Variants in ACOX1 observed in about 807,000 individuals in gnomAD.
ACOX1 encodes acyl-CoA oxidase 1.
ACOX1 carries 41 observed loss-of-function variants against 75.5 expected under a neutral mutation model. The ratio of observed to expected loss-of-function variants is 0.54; its 90% CI spans 0.42 to 0.70. The LOEUF is 0.70. Among genes scored for constraint, ACOX1 ranks in the 30% least tolerant of loss-of-function variants. The pLI, the probability that ACOX1 is intolerant of heterozygous loss-of-function variation, is 0.00. For missense variants in ACOX1, 630 were observed against 837.5 expected (o/e 0.75, Z 3.06); for synonymous variants, 303 against 298.8 (o/e 1.01, Z -0.15).
At chr17:75,969,241 A>T (rs2065970866) in intron 2 of ACOX1, among the ~76,000 whole-genome samples, 1 of 152,174 alleles carries the variant, frequency 6.6e-6, no homozygotes, top group African/African-American at 2.4e-5. Context: ...ATCTCAGCTC[A>T]CCACAACTTC....
intron 12 of ACOX1, 139 bp downstream of exon 12, chr17:75,949,078 A>G: frequency 8.4e-6 from 8 of 950,450 alleles, no homozygotes; most frequent in Non-Finnish European, 1.3e-5. Context: ...CTGGTCTTGA[A>G]CTCCTGACCT....
intron 6 of ACOX1, 148 bp downstream of exon 6, chr17:75,955,418 C>T: frequency 1.4e-6 from 1 of 730,704 alleles, no homozygotes; most frequent in South Asian, 1.5e-5. Flanking sequence ...CGCACTCAGC[C>T]TCCCAAAGTG....
rs1200100225 is a variant in ACOX1 at position 75,944,304 on chromosome 17, G to A, written c.*2444C>T. ...GGTTAAAATGTATCTTTGTACTTGT[G>A]AAAATGGCTTACAAAATTTTGAATC... On this transcript the variant is annotated 3_prime_UTR_variant, in exon 14 of 14. Coordinates refer to ENST00000293217, the MANE Select transcript of ACOX1 (RefSeq NM_004035.7). 6.6e-6 allele frequency: 1 copy of A among 152,200 alleles called. No homozygotes were observed. Among genetic ancestry groups the A allele is most frequent in the Non-Finnish European group, 1.5e-5 (1 of 68,040 alleles). The allele number at this position is 152,200 out of a possible 1,614,324, so 9.4% of individuals were successfully genotyped here. A position where few individuals can be genotyped will look rare whatever the true frequency, so the allele number is the denominator to read the frequency against.
chr17:75,950,700 G>A lies in ACOX1; in HGVS notation c.1298+74C>T. ...TATATATACGGTGAAGAAAAACCAT[G>A]GGAACAAGAACCTAGGAAAAGGACT... is the stretch of plus-strand genomic sequence containing the variant. On this transcript the variant is annotated intron_variant, in intron 9 of 13. Coordinates refer to ENST00000293217, the MANE Select transcript of ACOX1 (RefSeq NM_004035.7). The surrounding 1 kb of genome is among the most constrained non-coding windows in gnomAD (Gnocchi z 4.3). The A allele has an allele frequency of 1.3e-6, 2 of 1,507,850 alleles. No individual in the cohort carries two copies. The highest frequency in any genetic ancestry group is 1.8e-6 in the Non-Finnish European group (2 of 1,085,944). 93.4% of individuals were successfully genotyped at this position (1,507,850 alleles called of 1,614,324 possible).
intron 2 of ACOX1, among the ~76,000 whole-genome samples, chr17:75,963,985 A>AC (rs2065908710): frequency 6.6e-6 from 1 of 151,740 alleles, no homozygotes; most frequent in African/African-American, 2.4e-5. Context: ...GGAGTTCGAG[A>AC]CCAGCCTGGG....
Position 75,944,448 on chromosome 17 carries a change from G to A in ACOX1, c.*2300C>T, listed in dbSNP as rs73997671. On this transcript the variant is annotated 3_prime_UTR_variant, in exon 14 of 14. Coordinates refer to ENST00000293217, the MANE Select transcript of ACOX1 (RefSeq NM_004035.7). ...CCAAGTACTTCCAAGGACTCCTAAA[G>A]TGACTGGAGCCACTCACAACTATTG... 230 of 152,238 alleles carry A rather than the reference G, an allele frequency of 1.5e-3. No homozygotes were observed. Among genetic ancestry groups the A allele is most frequent in the African/African-American group, 5.3e-3 (221 of 41,542 alleles). 9.4% of individuals were successfully genotyped at this position (152,238 alleles called of 1,614,324 possible). A position where few individuals can be genotyped will look rare whatever the true frequency, so the allele number is the denominator to read the frequency against.
chr17:75,961,695 G>C (rs1222265053), intron 2 of ACOX1, among the ~76,000 whole-genome samples: 2 of 149,034 alleles, frequency 1.3e-5, no homozygotes, highest in Admixed American at 1.4e-4. Context: ...GGGAGGCGGT[G>C]GTTGCAGTGA....
chr17:75,977,490 C>T (rs568777201), intron 2 of ACOX1, among the ~76,000 whole-genome samples: 1 of 151,736 alleles, frequency 6.6e-6, no homozygotes, highest in Non-Finnish European at 1.5e-5. Flanking sequence ...CGCTTGAATC[C>T]GGGAGGTGGA....
In ACOX1 at chr17:75,949,722, C is replaced by A; in HGVS notation, c.1474G>T (p.Ala492Ser). The A allele has an allele frequency of 6.2e-7, 1 of 1,614,204 alleles. No homozygotes were observed. ...SLTEAYKLRAARLVEIAAKNL... is the reference protein window; with the variant it reads ...SLTEAYKLRASRLVEIAAKNL... Reference sequence around the variant, plus strand: ...AGCTCTTGAGGGAGAGCTCACCTGGCTGCACGGAGTTTATATGCTTCGGTT... The same window carrying A: ...AGCTCTTGAGGGAGAGCTCACCTGGATGCACGGAGTTTATATGCTTCGGTT... Residue 492 changes from alanine (A) to serine (S), a missense_variant, in exon 10 of 14, where the codon GCC (alanine) becomes TCC (serine). Transcript: ENST00000293217.
In ACOX1 at chr17:75,978,458, T is replaced by A. The variant is rs950209889; in HGVS notation, c.269+76A>T. On this transcript the variant is annotated intron_variant, in intron 2 of 13. Coordinates refer to ENST00000293217, the MANE Select transcript of ACOX1 (RefSeq NM_004035.7). This position sits in a 1 kb window ranked among gnomAD's most constrained non-coding sequence, Gnocchi z 4.2. ...TTGCATCTTCAAACACCAAGCACGG[T>A]GATGAAAGGCCACCATAGACCGCAG... The A allele has an allele frequency of 4.5e-6, 7 of 1,568,564 alleles. No individual in the cohort carries two copies. In the African/African-American group the frequency reaches 5.4e-5, roughly 12 times the overall value.
chr17:75,973,647 G>A (rs543316644), intron 2 of ACOX1: 22 of 1,614,210 alleles, frequency 1.4e-5, no homozygotes, highest in Admixed American at 3.3e-5. Flanking sequence ...CCGTCTGGGC[G>A]TAGGTGCCAA....
At chr17:75,970,491 C>T (rs926728134) in intron 2 of ACOX1, among the ~76,000 whole-genome samples, 4 of 152,106 alleles carry the variant, frequency 2.6e-5, no homozygotes, top group African/African-American at 9.7e-5. Context: ...CGAGTTTCTT[C>T]GTGTCCTTAG....
chr17:75,951,011 G>A (rs758214453), intron 8 of ACOX1, 47 bp from the exon 9 acceptor site: 1 of 1,589,806 alleles, frequency 6.3e-7, no homozygotes, highest in South Asian at 1.1e-5. Flanking sequence ...GGTGCTGAGA[G>A]CCCGAGAACC....
rs58435626 is a variant in ACOX1 at position 75,950,263 on chromosome 17, T to TG, written c.1299-367dup. On this transcript the variant is annotated intron_variant, in intron 9 of 13. Coordinates refer to ENST00000293217, the MANE Select transcript of ACOX1 (RefSeq NM_004035.7). The surrounding 1 kb of genome is among the most constrained non-coding windows in gnomAD (Gnocchi z 4.3). ...CCACCACACCTGGCCTTTTTTTTTT[T>TG]GATGGAGTTTTCGCTCTTGTTGCCC... 1.3e-5 allele frequency among the ~76,000 whole-genome samples: 2 copies of TG among 150,976 alleles called. No homozygotes were observed. The highest frequency in any genetic ancestry group is 6.6e-5 in the Admixed American group (1 of 15,164).
chr17:75,962,860 G>A (rs1174578739), intron 2 of ACOX1, among the ~76,000 whole-genome samples: 1 of 152,160 alleles, frequency 6.6e-6, no homozygotes, highest in Admixed American at 6.5e-5. Flanking sequence ...GGCCAGGCGC[G>A]GTGGCTCACG....
Position 75,946,727 on chromosome 17 carries a change from T to C in ACOX1, c.*21A>G. 1 of 1,612,686 alleles carries C rather than the reference T, an allele frequency of 6.2e-7. No individual in the cohort carries two copies. Among genetic ancestry groups the C allele is most frequent in the Non-Finnish European group, 8.5e-7 (1 of 1,178,774 alleles). ...CACACAGGCGCTTTCTGAAGCAGAT[T>C]AAACTTGTCCTTGTGACACTTCAGA... On this transcript the variant is annotated 3_prime_UTR_variant, in exon 14 of 14. Transcript: ENST00000293217.
rs971867157 is a variant in ACOX1 at position 75,949,065 on chromosome 17, A to T, written c.1728+152T>A. On this transcript the variant is annotated intron_variant, in intron 12 of 13. Coordinates refer to ENST00000293217, the MANE Select transcript of ACOX1 (RefSeq NM_004035.7). Reference sequence around the variant, plus strand: ...AGTAGAGACAGGGTTTCACCAGGCCAGGCTGGTCTTGAACTCCTGACCTCA... The same window carrying T: ...AGTAGAGACAGGGTTTCACCAGGCCTGGCTGGTCTTGAACTCCTGACCTCA... 3 of 821,862 alleles carry T rather than the reference A, an allele frequency of 3.7e-6. No homozygotes were observed. The African/African-American group carries it at 5.1e-5, about 14-fold the overall frequency. The allele number at this position is 821,862 out of a possible 1,614,324, so 50.9% of individuals were successfully genotyped here.
At chr17:75,964,975 G>T (rs2065917195) in intron 2 of ACOX1, among the ~76,000 whole-genome samples, 1 of 152,040 alleles carries the variant, frequency 6.6e-6, no homozygotes, top group South Asian at 2.1e-4. Context: ...ATCATCCTAG[G>T]AAATCAATAA....
intron 2 of ACOX1, among the ~76,000 whole-genome samples, chr17:75,963,818 C>T (rs567542789): frequency 2.6e-5 from 4 of 151,852 alleles, no homozygotes; most frequent in African/African-American, 4.8e-5. Flanking sequence ...GTAGAGACTC[C>T]GTGACGGGTT....
Sources: allele counts gnomAD v4.1 joint callset (sites outside exome capture counted in the v4.1 genomes callset), GRCh38; gene constraint gnomAD v4.1.1; non-coding constraint Gnocchi (gnomAD v3.1); transcripts MANE v1.5; gene names NCBI Gene and HGNC (gene_info 2026-07-23, HGNC 2026-07-21).